The following SGTB variants were observed in gnomAD, a reference collection of about 807,000 sequenced individuals.
SGTB encodes the protein small glutamine rich tetratricopeptide repeat co-chaperone beta.
A neutral mutation model predicts 43.9 loss-of-function variants in SGTB; 19 were observed. That is an observed-to-expected ratio of 0.43 (90% CI 0.30 to 0.63). The LOEUF is 0.63. SGTB is among the 30% of genes least tolerant of loss of function. The pLI is 0.12. For synonymous variants in SGTB, 116 were observed against 117.3 expected (o/e 0.99, Z 0.07); for missense variants, 304 against 358.9 (o/e 0.85, Z 1.24).
chr5:65,685,016 G>T (rs1487136170), intron 6 of SGTB, among the ~76,000 whole-genome samples: 3 of 152,152 alleles, frequency 2.0e-5, no homozygotes, highest in Non-Finnish European at 1.5e-5. Context: ...CACCAGAGAG[G>T]GGGTAGTGGA....
At chr5:65,692,195 T>C (rs1757627654) in intron 5 of SGTB, among the ~76,000 whole-genome samples, 1 of 152,044 alleles carries the variant, frequency 6.6e-6, no homozygotes, top group Non-Finnish European at 1.5e-5. Context: ...AGGAAATATA[T>C]GTAAAGGAAA....
At chr5:65,711,885 A>G (rs1004461546) in intron 3 of SGTB, among the ~76,000 whole-genome samples, 1 of 152,202 alleles carries the variant, frequency 6.6e-6, no homozygotes, top group Admixed American at 6.5e-5. Context: ...AGAATTCTTC[A>G]TTATATACTA....
At chr5:65,721,497 T>C (rs376179049) in intron 1 of SGTB, among the ~76,000 whole-genome samples, 21 of 152,252 alleles carry the variant, frequency 1.4e-4, no homozygotes, top group South Asian at 6.2e-4. Flanking sequence ...TGGAATACTA[T>C]CGCATCCAAA....
chr5:65,670,299 T>G lies in SGTB; in HGVS notation c.862A>C (p.Arg288=). ...QQNPELIEQL[R]NHIRSRSFSS... ...AATGATCTGCTCCGGATGTGATTTC[T>G]CAGTTGCTCTATAAGTTCAGGATTT... The change falls in exon 11 of 11, where the codon AGA becomes CGA. Residue 288 remains arginine (R), a synonymous_variant. Transcript: ENST00000381007. 1 of 1,614,188 alleles carries G rather than the reference T, an allele frequency of 6.2e-7. No individual in the cohort carries two copies. Among genetic ancestry groups the G allele is most frequent in the Non-Finnish European group, 8.5e-7 (1 of 1,180,010 alleles).
intron 5 of SGTB, among the ~76,000 whole-genome samples, chr5:65,685,795 T>C (rs541868688): frequency 1.3e-5 from 2 of 152,220 alleles, no homozygotes; most frequent in Non-Finnish European, 2.9e-5. Flanking sequence ...TAGGACATCT[T>C]GGCTACTATG....
rs559861836 is a variant in SGTB, at chr5:65,714,208, T to A, written c.101-1144A>T. Among the ~76,000 whole-genome samples the A allele has an allele frequency of 3.3e-5, 5 of 152,258 alleles. No homozygotes were observed. In the East Asian group the frequency reaches 7.7e-4, roughly 23 times the overall value. ...CATAGGAAGAAGCACTAAATATTAA[T>A]CTTGGTGTACTTATGTGAAGATAGA... On this transcript the variant is annotated intron_variant, in intron 2 of 10. Coordinates refer to ENST00000381007, the MANE Select transcript of SGTB (RefSeq NM_019072.3).
intron 5 of SGTB, among the ~76,000 whole-genome samples, chr5:65,693,712 A>G (rs956928523): frequency 2.0e-5 from 3 of 152,208 alleles, no homozygotes; most frequent in South Asian, 2.1e-4. Context: ...ACTCGAAACT[A>G]CTATACAAAG....
At chr5:65,682,088 A>C (rs577227347) in intron 6 of SGTB, among the ~76,000 whole-genome samples, 2 of 152,304 alleles carry the variant, frequency 1.3e-5, no homozygotes, top group East Asian at 3.9e-4. Flanking sequence ...TGAATAGGAG[A>C]GCTGCTCAAA....
At chr5:65,707,395 TACACACACAC>T (rs35011866) in intron 4 of SGTB, among the ~76,000 whole-genome samples, 120 of 133,690 alleles carry the variant, frequency 9.0e-4, no homozygotes, top group African/African-American at 2.9e-3. Context: ...GCTGATTTTA[TACACACACAC>T]ACACACACAC....
intron 3 of SGTB, among the ~76,000 whole-genome samples, chr5:65,710,630 C>T (rs541112077): frequency 6.6e-6 from 1 of 152,252 alleles, no homozygotes; most frequent in South Asian, 2.1e-4. Flanking sequence ...GGTGAATTTA[C>T]ACTTTCTCTG....
intron 2 of SGTB, among the ~76,000 whole-genome samples, chr5:65,714,513 G>A (rs1446835649): frequency 6.6e-6 from 1 of 152,126 alleles, no homozygotes. Flanking sequence ...GAGGGATTAT[G>A]TTTGAAGTCT....
chr5:65,693,727 A>G (rs1579868689), intron 5 of SGTB, among the ~76,000 whole-genome samples: 1 of 152,226 alleles, frequency 6.6e-6, no homozygotes, highest in East Asian at 1.9e-4. Flanking sequence ...ACAAAGATGA[A>G]GAGAATATCT....
intron 8 of SGTB, among the ~76,000 whole-genome samples, chr5:65,676,411 A>G (rs775482406): frequency 2.6e-5 from 4 of 152,168 alleles, no homozygotes; most frequent in Non-Finnish European, 5.9e-5. Context: ...TATGCACCCA[A>G]TACAGGAACA....
intron 2 of SGTB, among the ~76,000 whole-genome samples, chr5:65,719,252 C>T (rs965867021): frequency 2.0e-5 from 3 of 152,152 alleles, no homozygotes; most frequent in Admixed American, 6.5e-5. Flanking sequence ...TATAACTATA[C>T]TGTCATTTAT....
At chr5:65,695,062 C>T (rs1441138344) in intron 5 of SGTB, among the ~76,000 whole-genome samples, 1 of 151,952 alleles carries the variant, frequency 6.6e-6, no homozygotes, top group East Asian at 1.9e-4. Flanking sequence ...ATCAATTTCA[C>T]ATCTTAGAAA....
At chr5:65,677,276 C>A (rs1164091032) in intron 8 of SGTB, among the ~76,000 whole-genome samples, 2 of 149,498 alleles carry the variant, frequency 1.3e-5, no homozygotes, top group Admixed American at 6.7e-5. Context: ...AAGACTGAAC[C>A]AGGAAGAAAT....
At chr5:65,722,563 T>A, upstream of SGTB, 3 of 697,316 alleles carry the variant, frequency 4.3e-6, no homozygotes, top group Non-Finnish European at 6.8e-6. Context: ...GGTGGACCCC[T>A]GGGGGACACC....
At chr5:65,722,635 CTTTG>C (rs148470231), upstream of SGTB, 24 of 531,102 alleles carry the variant, frequency 4.5e-5, no homozygotes, top group East Asian at 5.6e-4. Flanking sequence ...GTCCATTCCT[CTTTG>C]TTTGGGACTG....
At chr5:65,712,159 C>A (rs1758055776) in intron 3 of SGTB, among the ~76,000 whole-genome samples, 1 of 152,270 alleles carries the variant, frequency 6.6e-6, no homozygotes, top group South Asian at 2.1e-4. Flanking sequence ...CCCAGCTACT[C>A]ACGAGTCTAA....
Sources: gnomAD v4.1 joint callset for allele counts (sites outside exome capture counted in the v4.1 genomes callset) on GRCh38, gnomAD v4.1.1 for gene constraint, MANE v1.5 for transcripts, NCBI Gene and HGNC (gene_info 2026-07-23, HGNC 2026-07-21) for gene names.